The following ETV3 variants were observed in gnomAD, a reference collection of about 807,000 sequenced individuals.
ETV3 encodes ETS translocation variant 3.
In ETV3, 8 loss-of-function variants were observed where a neutral mutation model predicts 33.0. The observed-to-expected ratio is 0.24, with a 90% confidence interval of 0.14 to 0.44. The LOEUF (loss-of-function observed/expected upper bound fraction) is 0.44, where lower values mean the gene tolerates loss of function less well. Ranked by LOEUF, ETV3 falls within the 20% of genes least tolerant of loss-of-function variation. The probability of loss-of-function intolerance (pLI) is 1.00; values close to 1 mark genes in which losing one functional copy is unlikely to be tolerated. For missense variants in ETV3, 473 were observed against 652.3 expected (o/e 0.73, Z 2.99); for synonymous variants, 222 against 238.9 (o/e 0.93, Z 0.65).
At chr1:157,134,313 C>T (rs1571701823) in intron 3 of ETV3, 86 bp from the exon 4 acceptor site, 1 of 1,519,606 alleles carries the variant, frequency 6.6e-7, no homozygotes, top group East Asian at 2.3e-5. Context: ...ACCAACAATT[C>T]TTGCTCTGAG....
chr1:157,133,934 A>G, intron 4 of ETV3, 178 bp downstream of exon 4: 2 of 1,416,730 alleles, frequency 1.4e-6, no homozygotes, highest in Non-Finnish European at 1.8e-6. Flanking sequence ...GATACTGAAT[A>G]GCCTATAACT....
chr1:157,133,610 G>A (rs372751602), intron 4 of ETV3: 1 of 987,064 alleles, frequency 1.0e-6, no homozygotes. Context: ...TGCTGTTGCA[G>A]ATCAAAGACA....
chr1:157,132,041 C>A (rs1032842354), intron 4 of ETV3, among the ~76,000 whole-genome samples: 1 of 152,194 alleles, frequency 6.6e-6, no homozygotes, highest in African/African-American at 2.4e-5. Flanking sequence ...CAGCTCACTG[C>A]GACCTCTGCC....
chr1:157,122,628 C>T lies in ETV3; in HGVS notation c.*2213G>A, dbSNP rs528430371. On this transcript the variant is annotated 3_prime_UTR_variant, in exon 5 of 5. Transcript: ENST00000368192. ...TTAAAAAGGCCTCGTGTTTCTATTCCTGAGTTCATACCAACACCTGCTAGC... is the reference window on the plus strand; with the variant it reads ...TTAAAAAGGCCTCGTGTTTCTATTCTTGAGTTCATACCAACACCTGCTAGC... 1 of 152,218 alleles carries T rather than the reference C, an allele frequency of 6.6e-6. No individual in the cohort carries two copies. The highest frequency in any genetic ancestry group is 2.1e-4 in the South Asian group (1 of 4,810). 9.4% of individuals were successfully genotyped at this position (152,218 alleles called of 1,614,324 possible).
chr1:157,128,137 C>G (rs1157015219), intron 4 of ETV3, among the ~76,000 whole-genome samples: 2 of 152,136 alleles, frequency 1.3e-5, no homozygotes, highest in African/African-American at 4.8e-5. Flanking sequence ...GCCTTCTCCT[C>G]TTGGTCTAGC....
In ETV3 at chr1:157,124,759, C is replaced by T. The variant is rs1462814117; in HGVS notation, c.*82G>A. 3.6e-4 allele frequency: 75 copies of T among 209,732 alleles called. No homozygotes were observed. Among genetic ancestry groups the T allele is most frequent in the South Asian group, 1.3e-3 (19 of 15,170 alleles). 13.0% of individuals were successfully genotyped at this position (209,732 alleles called of 1,614,324 possible). On this transcript the variant is annotated 3_prime_UTR_variant, in exon 5 of 5. Coordinates refer to ENST00000368192, the MANE Select transcript of ETV3 (RefSeq NM_001145312.3). ...AATGATCAAACCAGTTTAACTCCCT[C>T]CCCCCCACCCTGAAATCTTGCTACA... is the stretch of plus-strand genomic sequence containing the variant.
chr1:157,130,023 T>C (rs1365248435), intron 4 of ETV3, among the ~76,000 whole-genome samples: 4 of 152,092 alleles, frequency 2.6e-5, no homozygotes, highest in African/African-American at 9.7e-5. Flanking sequence ...TTTGTATTTT[T>C]AGTAGAGACA....
At position 157,135,456 on chromosome 1, in the gene ETV3, A is replaced by T; in HGVS notation, c.284+15T>A. 6.2e-7 allele frequency: 1 copy of T among 1,613,648 alleles called. No individual in the cohort carries two copies. The highest frequency in any genetic ancestry group is 8.5e-7 in the Non-Finnish European group (1 of 1,179,642). ...TCCAATCTGTTAACACAGATTTGGG[A>T]ATCCTTTTCCTTACCTGAGGGCCCG... On this transcript the variant is annotated intron_variant, in intron 3 of 4. Coordinates refer to ENST00000368192, the MANE Select transcript of ETV3 (RefSeq NM_001145312.3).
At chr1:157,133,849 C>A in intron 4 of ETV3, 1 of 1,257,904 alleles carries the variant, frequency 7.9e-7, no homozygotes, top group Non-Finnish European at 1.0e-6. Flanking sequence ...AACAAGATAG[C>A]GTAATAGTAT....
rs575840817 is a variant in ETV3, at chr1:157,121,226, T to C, written c.*3615A>G. The C allele has an allele frequency of 1.3e-5, 2 of 152,216 alleles. No individual in the cohort carries two copies. Among genetic ancestry groups the C allele is most frequent in the East Asian group, 3.9e-4 (2 of 5,184 alleles). 9.4% of individuals were successfully genotyped at this position (152,216 alleles called of 1,614,324 possible). A position where few individuals can be genotyped will look rare whatever the true frequency, so the allele number is the denominator to read the frequency against. Reference sequence around the variant, plus strand: ...GTATTTTTTTATTTAATTTCTGAGGTAAAATACTTTTTTCTTTCAACTTCC... The same window carrying C: ...GTATTTTTTTATTTAATTTCTGAGGCAAAATACTTTTTTCTTTCAACTTCC... On this transcript the variant is annotated 3_prime_UTR_variant, in exon 5 of 5. Transcript: ENST00000368192.
intron 4 of ETV3, 68 bp downstream of exon 4, chr1:157,134,044 A>AG (rs1312701249): frequency 6.3e-7 from 1 of 1,582,944 alleles, no homozygotes; most frequent in Non-Finnish European, 8.6e-7. Flanking sequence ...GCCATGTCTT[A>AG]GATTTGGATT....
At chr1:157,133,663 C>G (rs949114274) in intron 4 of ETV3, 1 of 990,428 alleles carries the variant, frequency 1.0e-6, no homozygotes, top group Non-Finnish European at 1.2e-6. Context: ...CTTCTCTGAT[C>G]AAGGATGCTG....
At chr1:157,130,461 C>T (rs1438688394) in intron 4 of ETV3, among the ~76,000 whole-genome samples, 1 of 152,206 alleles carries the variant, frequency 6.6e-6, no homozygotes, top group Non-Finnish European at 1.5e-5. Context: ...CATGAAGTCA[C>T]CATGAAATTC....
At chr1:157,129,313 T>C (rs553530900) in intron 4 of ETV3, among the ~76,000 whole-genome samples, 2 of 152,240 alleles carry the variant, frequency 1.3e-5, no homozygotes, top group Non-Finnish European at 2.9e-5. Context: ...GCTTTAAAAA[T>C]AGTAGCAAGT....
chr1:157,132,653 TGAGTGGC>T (rs1674994550), intron 4 of ETV3, among the ~76,000 whole-genome samples: 2 of 152,066 alleles, frequency 1.3e-5, no homozygotes, highest in Admixed American at 6.5e-5. Context: ...AAGCAAGATT[TGAGTGGC>T]GAGTACAGGT....
Position 157,124,626 on chromosome 1 carries a change from G to C in ETV3, c.*215C>G, listed in dbSNP as rs1674782234. ...CTCCTTTGAGTTCAATACCCTCCCTGTGTCCTACTCACCAGGAAAATAAGT... is the reference window on the plus strand; with the variant it reads ...CTCCTTTGAGTTCAATACCCTCCCTCTGTCCTACTCACCAGGAAAATAAGT... On this transcript the variant is annotated 3_prime_UTR_variant, in exon 5 of 5. Transcript: ENST00000368192. The C allele has an allele frequency of 2.0e-6, 1 of 491,820 alleles. No homozygotes were observed. The highest frequency in any genetic ancestry group is 3.5e-6 in the Non-Finnish European group (1 of 284,356). The allele number at this position is 491,820 out of a possible 1,614,324, so 30.5% of individuals were successfully genotyped here.
At position 157,138,344 on chromosome 1, in the gene ETV3, C is replaced by G. The variant is rs554585686; in HGVS notation, c.-42G>C. 6.6e-6 allele frequency: 1 copy of G among 152,472 alleles called. No homozygotes were observed. Among genetic ancestry groups the G allele is most frequent in the East Asian group, 1.9e-4 (1 of 5,142 alleles). 9.4% of individuals were successfully genotyped at this position (152,472 alleles called of 1,614,324 possible). The stretch of plus-strand genomic sequence containing the variant: ...TTCCCGGCACGGTCCGTCTTCGGTC[C>G]GGTCTCCTCCGCGGCGTCTCCGGCT... On this transcript the variant is annotated 5_prime_UTR_variant, in exon 1 of 5. Transcript: ENST00000368192.
chr1:157,134,121 G>A lies in ETV3; in HGVS notation c.391C>T (p.Arg131Trp), dbSNP rs142863577. 5.6e-5 allele frequency: 91 copies of A among 1,613,334 alleles called. 1 individual carries two copies. The highest frequency in any genetic ancestry group is 1.0e-4 in the Admixed American group (6 of 59,892). Residue 131 changes from arginine to tryptophan, a missense_variant, in exon 4 of 5, where the codon CGG (arginine) becomes TGG (tryptophan). Physicochemically the swap from Arg to Trp is moderately radical, Grantham distance 101 (BLOSUM62 -3). Around this residue, in one of 3 missense-constraint regions of ETV3, gnomAD observed 410 missense variants for 520.2 expected, o/e 0.79. Coordinates refer to ENST00000368192, the MANE Select transcript of ETV3 (RefSeq NM_001145312.3). ...VMPNYPFINIRSSGVVPQSAP... is the reference protein window; with the variant it reads ...VMPNYPFINIWSSGVVPQSAP... ...AGAGTTTGTATCTTACCACTTGACC[G>A]AATGTTGATGAATGGGTAGTTGGGC...
rs1270498695 is a variant in ETV3 at position 157,135,704 on chromosome 1, A to G, written c.51T>C (p.Tyr17=). ...IVEKPEGGGG[Y]QFPDWAYKTE... ...TTTTGTAGGCCCAGTCAGGAAACTG[A>G]TACCCTTTCATGTGAGAAGGTCAAG... Residue 17 remains tyrosine (Y), a synonymous_variant, in exon 3 of 5, where the codon TAT becomes TAC. Transcript: ENST00000368192. 1 of 1,614,202 alleles carries G rather than the reference A, an allele frequency of 6.2e-7. No individual in the cohort carries two copies.
Sources: allele counts gnomAD v4.1 joint callset (sites outside exome capture counted in the v4.1 genomes callset), GRCh38; gene constraint gnomAD v4.1.1; regional missense constraint gnomAD v4.1.1; transcripts MANE v1.5; gene names NCBI Gene and HGNC (gene_info 2026-07-23, HGNC 2026-07-21).